The following SLC2A13 variants were observed in gnomAD, a reference collection of about 807,000 sequenced individuals.
SLC2A13 encodes the protein proton myo-inositol cotransporter.
Under a neutral mutation model 64.4 loss-of-function variants are expected in SLC2A13, and 32 were observed. That is an observed-to-expected ratio of 0.50 (90% confidence interval 0.37 to 0.67). The LOEUF (loss-of-function observed/expected upper bound fraction) is 0.67. Ranked by LOEUF, SLC2A13 falls within the 30% of genes least tolerant of loss-of-function variation. The pLI is 0.00. For missense variants in SLC2A13, 743 were observed against 829.2 expected, an observed-to-expected ratio of 0.90 and a Z score of 1.28; for synonymous variants, 338 against 327.1, an observed-to-expected ratio of 1.03 and a Z score of -0.36.
At chr12:39,967,218 A>G (rs1946535005) in intron 3 of SLC2A13, among the ~76,000 whole-genome samples, 1 of 152,228 alleles carries the variant, frequency 6.6e-6, no homozygotes, top group Non-Finnish European at 1.5e-5. Flanking sequence ...TTGTTTCTAC[A>G]TATTTTCATT....
At chr12:39,985,008 C>T (rs1271314802) in intron 3 of SLC2A13, among the ~76,000 whole-genome samples, 2 of 152,114 alleles carry the variant, frequency 1.3e-5, no homozygotes, top group Non-Finnish European at 2.9e-5. Flanking sequence ...GAATACCAAA[C>T]CCACCAGTTT....
At chr12:39,968,760 G>GTTTATATATATATATATATA (rs1555144118) in intron 3 of SLC2A13, among the ~76,000 whole-genome samples, 2 of 59,846 alleles carry the variant, frequency 3.3e-5, no homozygotes, top group Non-Finnish European at 9.1e-5. Context: ...TTTTTTTTTG[G>GTTTATATATATATATATATA]TATATATATA....
chr12:40,019,864 G>A (rs143172946), intron 3 of SLC2A13, among the ~76,000 whole-genome samples: 37 of 152,146 alleles, frequency 2.4e-4, no homozygotes, highest in African/African-American at 8.7e-4. Flanking sequence ...TTATAGTTCC[G>A]GCTTCATAAA....
chr12:40,009,983 A>G (rs948406889), intron 3 of SLC2A13, among the ~76,000 whole-genome samples: 13 of 152,224 alleles, frequency 8.5e-5, no homozygotes, highest in African/African-American at 2.9e-4. Flanking sequence ...TTTGACTACA[A>G]TTCTGGTAAT....
chr12:40,062,852 A>C (rs1388590479), intron 1 of SLC2A13, among the ~76,000 whole-genome samples: 1 of 152,128 alleles, frequency 6.6e-6, no homozygotes, highest in Non-Finnish European at 1.5e-5. Context: ...ATCTATCTTT[A>C]TGAGAACTTG....
At chr12:39,817,295 G>A (rs561827577) in intron 7 of SLC2A13, among the ~76,000 whole-genome samples, 282 of 152,282 alleles carry the variant, frequency 1.9e-3, no homozygotes, top group African/African-American at 6.4e-3. Flanking sequence ...GTGTGCTAGG[G>A]TGGGATGCAG....
At chr12:39,958,219 G>C (rs1185395177) in intron 3 of SLC2A13, among the ~76,000 whole-genome samples, 1 of 152,050 alleles carries the variant, frequency 6.6e-6, no homozygotes, top group Non-Finnish European at 1.5e-5. Flanking sequence ...CAAAACATTG[G>C]AAAGATTTCT....
At chr12:40,061,848 G>A (rs1321916687) in intron 1 of SLC2A13, among the ~76,000 whole-genome samples, 1 of 151,144 alleles carries the variant, frequency 6.6e-6, no homozygotes, top group Admixed American at 6.6e-5. Flanking sequence ...GATCCTTGCT[G>A]GAAGGACAAT....
chr12:39,808,996 A>G (rs1324335073), intron 7 of SLC2A13, among the ~76,000 whole-genome samples: 4 of 152,060 alleles, frequency 2.6e-5, no homozygotes, highest in African/African-American at 9.7e-5. Context: ...CTGATGTCGC[A>G]AAGATTTCCT....
chr12:39,922,652 T>C (rs1945634369), intron 4 of SLC2A13, among the ~76,000 whole-genome samples: 1 of 152,304 alleles, frequency 6.6e-6, no homozygotes, highest in Admixed American at 6.5e-5. Context: ...ACTTTTTGTG[T>C]GTGTATGGGG....
chr12:40,092,741 G>A (rs1432783876), intron 1 of SLC2A13, among the ~76,000 whole-genome samples: 1 of 152,206 alleles, frequency 6.6e-6, no homozygotes, highest in East Asian at 1.9e-4. Flanking sequence ...CCATTCTCCA[G>A]GAGAAAGACT....
intron 9 of SLC2A13, among the ~76,000 whole-genome samples, chr12:39,762,362 C>T (rs1306362674): frequency 1.5e-5 from 2 of 133,836 alleles, no homozygotes; most frequent in Non-Finnish European, 3.3e-5. Flanking sequence ...CTTATTAGAG[C>T]CCTACATTAA....
rs11446411 is a variant in SLC2A13, at chr12:39,951,383, G to GAA, written c.926-20_926-19dup. 56,999 of 1,320,904 alleles carry GAA rather than the reference G, an allele frequency of 0.043. 382 individuals are homozygous for GAA. Among genetic ancestry groups the GAA allele is most frequent in the Middle Eastern group, 0.12 (648 of 5,218 alleles). 81.8% of individuals were successfully genotyped at this position (1,320,904 alleles called of 1,614,324 possible). ...AGGTCCAGCTTTTTTAAGAAAGAAAGAAAAAAAAAATACAACTATTATTTT... is the reference window on the plus strand; with the variant it reads ...AGGTCCAGCTTTTTTAAGAAAGAAAGAAAAAAAAAAAATACAACTATTATTTT... On this transcript the variant is annotated intron_variant, in intron 3 of 9. Transcript: ENST00000280871.
At chr12:39,885,077 C>T (rs1031544945) in intron 4 of SLC2A13, among the ~76,000 whole-genome samples, 6 of 152,190 alleles carry the variant, frequency 3.9e-5, no homozygotes, top group African/African-American at 1.4e-4. Context: ...ATTGTGACTA[C>T]ATTTAAGAGT....
intron 1 of SLC2A13, among the ~76,000 whole-genome samples, chr12:40,076,108 A>C (rs551086959): frequency 3.5e-4 from 53 of 152,284 alleles, no homozygotes; most frequent in African/African-American, 1.2e-3. Flanking sequence ...CTGATTCTCT[A>C]TGTTAAGTGC....
At chr12:39,900,052 A>G (rs1945042729) in intron 4 of SLC2A13, among the ~76,000 whole-genome samples, 1 of 152,190 alleles carries the variant, frequency 6.6e-6, no homozygotes, top group South Asian at 2.1e-4. Flanking sequence ...AAATCAATAA[A>G]TGTAATCCAG....
chr12:39,928,670 A>T (rs189818530), intron 4 of SLC2A13, among the ~76,000 whole-genome samples: 2 of 152,210 alleles, frequency 1.3e-5, no homozygotes, highest in Non-Finnish European at 2.9e-5. Flanking sequence ...ATTTCCTCAC[A>T]CTCTCCACTA....
chr12:39,788,275 T>TA (rs1302429164), intron 7 of SLC2A13, among the ~76,000 whole-genome samples: 3 of 152,144 alleles, frequency 2.0e-5, no homozygotes, highest in South Asian at 2.1e-4. Context: ...AATAATAAAA[T>TA]AAAAAACAAT....
intron 1 of SLC2A13, among the ~76,000 whole-genome samples, chr12:40,053,456 C>G (rs889944698): frequency 6.6e-6 from 1 of 151,996 alleles, no homozygotes; most frequent in African/African-American, 2.4e-5. Context: ...GGTCCTCTAA[C>G]CTTTGTAATG....
Sources: gnomAD v4.1 joint callset for allele counts (sites outside exome capture counted in the v4.1 genomes callset) on GRCh38, gnomAD v4.1.1 for gene constraint, MANE v1.5 for transcripts, NCBI Gene and HGNC (gene_info 2026-07-23, HGNC 2026-07-21) for gene names.